The following PARD3 variants were observed in gnomAD, a reference collection of about 807,000 sequenced individuals.
PARD3 encodes the protein par-3 family cell polarity regulator.
A neutral mutation model predicts 155.4 loss-of-function variants in PARD3; 75 were observed. That is an observed-to-expected ratio of 0.48 (90% confidence interval 0.40 to 0.58). PARD3 has a LOEUF of 0.58. Among genes scored for constraint, PARD3 ranks in the 20% least tolerant of loss-of-function variants. The probability of loss-of-function intolerance (pLI) is 0.00; values close to 1 mark genes in which losing one functional copy is unlikely to be tolerated. For synonymous variants in PARD3, 576 were observed against 610.5 expected (o/e 0.94, Z 0.83); for missense variants, 1,642 against 1,721.7 (o/e 0.95, Z 0.82).
chr10:34,293,294 G>A lies in PARD3; in HGVS notation c.3066-9049C>T, dbSNP rs141916750. On this transcript the variant is annotated intron_variant, in intron 20 of 24. Transcript: ENST00000374788. ...ATAGACAAGAAGACATAATTTCTGC[G>A]GCAAAATATTCCCTCTTTGCAAAAG... is the stretch of plus-strand genomic sequence containing the variant. Among the ~76,000 whole-genome samples the A allele has an allele frequency of 1.8e-4, 27 of 152,046 alleles. No individual in the cohort carries two copies. The East Asian group carries it at 3.3e-3, about 18-fold the overall frequency.
intron 1 of PARD3, among the ~76,000 whole-genome samples, chr10:34,707,147 G>A (rs1208886805): frequency 6.6e-6 from 1 of 151,888 alleles, no homozygotes; most frequent in East Asian, 1.9e-4. Flanking sequence ...TTGGGAAGCT[G>A]AGGTGGGATG....
intron 22 of PARD3, among the ~76,000 whole-genome samples, chr10:34,218,817 G>T (rs915311356): frequency 6.6e-6 from 1 of 151,682 alleles, no homozygotes; most frequent in Non-Finnish European, 1.5e-5. Context: ...TGTGGGGTGG[G>T]GGATGCAAAA....
chr10:34,159,973 T>A lies in PARD3; in HGVS notation c.3420-28390A>T, dbSNP rs940880186. Among the ~76,000 whole-genome samples the A allele has an allele frequency of 2.8e-4, 43 of 152,216 alleles. 1 individual carries two copies. The highest frequency in any genetic ancestry group is 2.7e-3 in the Admixed American group (42 of 15,280). On this transcript the variant is annotated intron_variant, in intron 22 of 24. Transcript: ENST00000374788. Reference sequence around the variant, plus strand: ...ACATTTTCACCCAGGAACTTGTGTTTAAAATAAGCATGTTAATAGCATCAA... The same window carrying A: ...ACATTTTCACCCAGGAACTTGTGTTAAAAATAAGCATGTTAATAGCATCAA...
chr10:34,759,688 A>G (rs1171221671), intron 1 of PARD3, among the ~76,000 whole-genome samples: 3 of 152,256 alleles, frequency 2.0e-5, no homozygotes, highest in Non-Finnish European at 4.4e-5. Context: ...TATTTTCAGC[A>G]GGCAACATGC....
chr10:34,287,685 C>T (rs957256720), intron 20 of PARD3, among the ~76,000 whole-genome samples: 4 of 152,174 alleles, frequency 2.6e-5, no homozygotes, highest in African/African-American at 9.7e-5. Context: ...AGTTTGCCCA[C>T]ATAGTCTCAT....
At chr10:34,694,791 T>C (rs2094135160) in intron 2 of PARD3, among the ~76,000 whole-genome samples, 1 of 152,182 alleles carries the variant, frequency 6.6e-6, no homozygotes, top group African/African-American at 2.4e-5. Flanking sequence ...TTATACACTA[T>C]TTGGTATTTG....
chr10:34,479,264 C>T (rs1441643921), intron 3 of PARD3, among the ~76,000 whole-genome samples: 3 of 151,382 alleles, frequency 2.0e-5, no homozygotes, highest in Non-Finnish European at 2.9e-5. Flanking sequence ...CGGGTTCACG[C>T]CATTCTCCTG....
At chr10:34,451,271 C>T (rs940948054) in intron 4 of PARD3, among the ~76,000 whole-genome samples, 4 of 152,106 alleles carry the variant, frequency 2.6e-5, no homozygotes, top group Non-Finnish European at 5.9e-5. Context: ...GGGAGTCAAA[C>T]TTTTTAGTTC....
chr10:34,346,744 T>A (rs1350050246), intron 15 of PARD3, among the ~76,000 whole-genome samples: 1 of 152,208 alleles, frequency 6.6e-6, no homozygotes, highest in African/African-American at 2.4e-5. Context: ...ACGCCAAGCA[T>A]GTAAAAAGAA....
At chr10:34,648,626 G>T (rs747577582) in intron 2 of PARD3, among the ~76,000 whole-genome samples, 3 of 152,170 alleles carry the variant, frequency 2.0e-5, no homozygotes, top group Admixed American at 6.5e-5. Context: ...CGCTAACACC[G>T]ATGCTGACCT....
At chr10:34,419,100 G>A (rs1031804613) in intron 5 of PARD3, among the ~76,000 whole-genome samples, 5 of 151,978 alleles carry the variant, frequency 3.3e-5, no homozygotes, top group African/African-American at 9.7e-5. Context: ...AAAGACATGT[G>A]TTCATAAAAT....
At chr10:34,494,012 A>G (rs1281608851) in intron 3 of PARD3, among the ~76,000 whole-genome samples, 3 of 152,178 alleles carry the variant, frequency 2.0e-5, no homozygotes, top group Non-Finnish European at 4.4e-5. Flanking sequence ...AAATGGGAAA[A>G]TGTGACAAAG....
chr10:34,767,746 G>A (rs868541562), intron 1 of PARD3, among the ~76,000 whole-genome samples: 15 of 151,750 alleles, frequency 9.9e-5, no homozygotes, highest in African/African-American at 3.1e-4. Flanking sequence ...TTACAGGCAC[G>A]CGCCACCACC....
At chr10:34,403,151 G>A (rs1844077947) in intron 5 of PARD3, among the ~76,000 whole-genome samples, 1 of 152,118 alleles carries the variant, frequency 6.6e-6, no homozygotes, top group African/African-American at 2.4e-5. Context: ...TTCCCCAAAT[G>A]CAACTAAGTA....
intron 7 of PARD3, among the ~76,000 whole-genome samples, chr10:34,398,979 A>C (rs1417426229): frequency 1.3e-5 from 2 of 152,142 alleles, no homozygotes; most frequent in African/African-American, 2.4e-5. Flanking sequence ...AAGCTTTCCC[A>C]AAAAAAGTGC....
chr10:34,127,426 C>T (rs1947346607), intron 23 of PARD3, among the ~76,000 whole-genome samples: 1 of 152,130 alleles, frequency 6.6e-6, no homozygotes, highest in Admixed American at 6.6e-5. Flanking sequence ...TTCTCAACAC[C>T]CCATGCACAC....
intron 22 of PARD3, among the ~76,000 whole-genome samples, chr10:34,154,324 C>CAAAT (rs967242698): frequency 6.6e-6 from 1 of 152,078 alleles, no homozygotes; most frequent in Non-Finnish European, 1.5e-5. Flanking sequence ...ACGTGTTGGG[C>CAAAT]AAATACAAGT....
chr10:34,812,135 C>T (rs1303802817), intron 1 of PARD3, among the ~76,000 whole-genome samples: 1 of 152,210 alleles, frequency 6.6e-6, no homozygotes, highest in African/African-American at 2.4e-5. Flanking sequence ...TTTGTGTAAT[C>T]TGAAGAGAAA....
At chr10:34,747,382 G>A (rs1041038637) in intron 1 of PARD3, among the ~76,000 whole-genome samples, 2 of 152,044 alleles carry the variant, frequency 1.3e-5, no homozygotes, top group African/African-American at 4.8e-5. Context: ...CTAAGCACCA[G>A]CCCAAACCAC....
Sources: allele counts gnomAD v4.1 joint callset (sites outside exome capture counted in the v4.1 genomes callset), GRCh38; gene constraint gnomAD v4.1.1; transcripts MANE v1.5; gene names NCBI Gene and HGNC (gene_info 2026-07-23, HGNC 2026-07-21).